RPTOR: variants seen among roughly 807,000 people sequenced by gnomAD.
The protein encoded by RPTOR is regulatory-associated protein of mTOR.
A neutral mutation model predicts 169.9 loss-of-function variants in RPTOR; 21 were observed. The ratio of observed to expected loss-of-function variants is 0.12; its 90% CI spans 0.09 to 0.18. RPTOR has a LOEUF of 0.18. Among genes scored for constraint, RPTOR ranks in the 10% least tolerant of loss-of-function variants. The probability of loss-of-function intolerance (pLI) is 1.00; values close to 1 mark genes in which losing one functional copy is unlikely to be tolerated. For synonymous variants in RPTOR, 732 were observed against 753.2 expected, an observed-to-expected ratio of 0.97 and a Z score of 0.46; for missense variants, 1,133 against 1,855.9, an observed-to-expected ratio of 0.61 and a Z score of 7.16.
intron 3 of RPTOR, among the ~76,000 whole-genome samples, chr17:80,665,876 T>G (rs144894233): frequency 6.6e-6 from 1 of 152,244 alleles, no homozygotes; most frequent in African/African-American, 2.4e-5. Flanking sequence ...TGATATAAAG[T>G]ATGAAGAACT....
intron 4 of RPTOR, among the ~76,000 whole-genome samples, chr17:80,724,579 T>A (rs1011038233): frequency 2.6e-5 from 4 of 152,194 alleles, no homozygotes; most frequent in African/African-American, 9.7e-5. Context: ...TTGCGAGTTC[T>A]ACCATCGCAA....
chr17:80,605,874 T>G (rs1042286651), intron 1 of RPTOR, among the ~76,000 whole-genome samples: 1 of 152,134 alleles, frequency 6.6e-6, no homozygotes, highest in Admixed American at 6.5e-5. Context: ...TGGGCACTGG[T>G]GTAGCTCTGG....
At chr17:80,598,756 G>A (rs1008061067) in intron 1 of RPTOR, among the ~76,000 whole-genome samples, 8 of 152,178 alleles carry the variant, frequency 5.3e-5, no homozygotes, top group Admixed American at 2.6e-4. Flanking sequence ...GAAAGGCACC[G>A]GACATGAAGC....
intron 8 of RPTOR, among the ~76,000 whole-genome samples, chr17:80,822,572 G>A (rs1332575869): frequency 1.3e-5 from 2 of 152,212 alleles, no homozygotes; most frequent in Non-Finnish European, 2.9e-5. Context: ...GCGCACCGGC[G>A]GCTTATCTTC....
Position 80,664,183 on chromosome 17 carries a change from T to C in RPTOR, c.348+20373T>C, listed in dbSNP as rs576815285. Among the ~76,000 whole-genome samples the C allele has an allele frequency of 2.6e-4, 40 of 152,310 alleles. No individual in the cohort carries two copies. The South Asian group carries it at 7.7e-3, about 29-fold the overall frequency. ...GGAGCGCCCTGTTGCCTGGAAGGTC[T>C]GCCTTCTCATGGGGGCTGGGCTTCC... On this transcript the variant is annotated intron_variant, in intron 3 of 33. Coordinates refer to ENST00000306801, the MANE Select transcript of RPTOR (RefSeq NM_020761.3).
intron 12 of RPTOR, among the ~76,000 whole-genome samples, chr17:80,856,886 C>T (rs2067858859): frequency 6.6e-6 from 1 of 152,148 alleles, no homozygotes; most frequent in Non-Finnish European, 1.5e-5. Flanking sequence ...GGTATTTTTA[C>T]AGGTACAGAT....
chr17:80,601,173 C>G (rs2065183241), intron 1 of RPTOR, among the ~76,000 whole-genome samples: 1 of 152,368 alleles, frequency 6.6e-6, no homozygotes, highest in East Asian at 1.9e-4. Context: ...CTGTCAGCCG[C>G]CAGATGTGTG....
chr17:80,620,621 C>T (rs2065347234), intron 1 of RPTOR, among the ~76,000 whole-genome samples: 1 of 152,278 alleles, frequency 6.6e-6, no homozygotes, highest in South Asian at 2.1e-4. Flanking sequence ...AAAAAGTTAG[C>T]TGGGCATGCT....
chr17:80,780,779 G>T (rs72852757), intron 6 of RPTOR, among the ~76,000 whole-genome samples: 3 of 151,768 alleles, frequency 2.0e-5, no homozygotes, highest in Non-Finnish European at 2.9e-5. Context: ...CCCTCCCCCC[G>T]GGGGGCCTCA....
At chr17:80,896,248 C>A (rs1440219527) in intron 20 of RPTOR, among the ~76,000 whole-genome samples, 2 of 151,976 alleles carry the variant, frequency 1.3e-5, no homozygotes, top group Non-Finnish European at 2.9e-5. Flanking sequence ...GACAGCCCGT[C>A]CTCCCGCCAG....
chr17:80,549,044 T>G (rs1357299476), intron 1 of RPTOR, among the ~76,000 whole-genome samples: 1 of 152,228 alleles, frequency 6.6e-6, no homozygotes, highest in Non-Finnish European at 1.5e-5. Flanking sequence ...AAGTTTTTTT[T>G]GCCACCCAAC....
chr17:80,825,487 G>A (rs2067432280), intron 9 of RPTOR, among the ~76,000 whole-genome samples: 1 of 152,202 alleles, frequency 6.6e-6, no homozygotes, highest in African/African-American at 2.4e-5. Context: ...CCTTGTCTAG[G>A]CCTAGCTGCA....
rs143055581 is a variant in RPTOR, at chr17:80,853,745, A to G, written c.1315-1719A>G. Among the ~76,000 whole-genome samples the G allele has an allele frequency of 3.6e-3, 545 of 152,284 alleles. 3 individuals carry two copies. Among genetic ancestry groups the G allele is most frequent in the African/African-American group, 0.012 (519 of 41,544 alleles). On this transcript the variant is annotated intron_variant, in intron 11 of 33. Coordinates refer to ENST00000306801, the MANE Select transcript of RPTOR (RefSeq NM_020761.3). The stretch of plus-strand genomic sequence containing the variant: ...TGTAATCCCAGCACTTTGGGAGGCC[A>G]AGGCGGGTGGATCACAAGGTCAGGA...
At chr17:80,940,944 T>C (rs2069018115) in intron 25 of RPTOR, among the ~76,000 whole-genome samples, 1 of 152,182 alleles carries the variant, frequency 6.6e-6, no homozygotes. Flanking sequence ...GTGGAACTCA[T>C]GGAGGCGGAA....
chr17:80,586,009 G>A (rs189994441), intron 1 of RPTOR, among the ~76,000 whole-genome samples: 20 of 152,124 alleles, frequency 1.3e-4, no homozygotes, highest in Admixed American at 1.3e-4. Context: ...AGTGGTGGCC[G>A]TGAGCTAACA....
chr17:80,780,159 A>T (rs942831789), intron 6 of RPTOR, among the ~76,000 whole-genome samples: 20 of 152,332 alleles, frequency 1.3e-4, no homozygotes, highest in African/African-American at 4.6e-4. Flanking sequence ...AAGCAGCTGG[A>T]TCAAAAGTCT....
intron 3 of RPTOR, among the ~76,000 whole-genome samples, chr17:80,702,155 C>A (rs1008343088): frequency 6.6e-6 from 1 of 152,148 alleles, no homozygotes; most frequent in Non-Finnish European, 1.5e-5. Flanking sequence ...CATTTTAGGA[C>A]AAGAGCCCGT....
chr17:80,698,549 G>T (rs199737631), intron 3 of RPTOR, among the ~76,000 whole-genome samples: 4 of 152,142 alleles, frequency 2.6e-5, no homozygotes, highest in Non-Finnish European at 5.9e-5. Context: ...GGAGTTACGT[G>T]GGGGCACCTT....
Position 80,846,497 on chromosome 17 carries a change from C to T in RPTOR, c.1237C>T (p.Leu413=), listed in dbSNP as rs1174553097. 3 of 1,614,200 alleles carry T rather than the reference C, an allele frequency of 1.9e-6. No individual in the cohort carries two copies. The highest frequency in any genetic ancestry group is 1.7e-6 in the Non-Finnish European group (2 of 1,180,036). ...GCACAGCCCGTTCTTCGCCGAGCAG[C>T]TGACCGCATTCCAGGTGTGGCTCAC... ...FRHSPFFAEQ[L]TAFQVWLTMG... The change falls in exon 11 of 34, where the codon CTG becomes TTG. Residue 413 remains leucine, a synonymous_variant. Coordinates refer to ENST00000306801, the MANE Select transcript of RPTOR (RefSeq NM_020761.3).
Sources: gnomAD v4.1 joint callset for allele counts (sites outside exome capture counted in the v4.1 genomes callset) on GRCh38, gnomAD v4.1.1 for gene constraint, MANE v1.5 for transcripts, NCBI Gene and HGNC (gene_info 2026-07-23, HGNC 2026-07-21) for gene names.